SGCD: variants seen among roughly 807,000 people sequenced by gnomAD.
The protein encoded by SGCD is sarcoglycan delta.
In SGCD, 18 loss-of-function variants were observed where a neutral mutation model predicts 36.6. The ratio of observed to expected loss-of-function variants is 0.49; its 90% confidence interval spans 0.34 to 0.73. The LOEUF (loss-of-function observed/expected upper bound fraction) is 0.73, where lower values mean the gene tolerates loss of function less well. Among genes scored for constraint, SGCD ranks in the 30% least tolerant of loss-of-function variants. SGCD has a pLI of 0.01. For missense variants in SGCD, 387 were observed against 346.7 expected, an observed-to-expected ratio of 1.12 and a Z score of -0.92; for synonymous variants, 133 against 130.6, an observed-to-expected ratio of 1.02 and a Z score of -0.12.
intron 3 of SGCD, among the ~76,000 whole-genome samples, chr5:156,376,034 C>T (rs1770650792): frequency 6.6e-6 from 1 of 152,182 alleles, no homozygotes; most frequent in Non-Finnish European, 1.5e-5. Flanking sequence ...TCAGTGACTT[C>T]ATATCAGTGC....
intron 7 of SGCD, among the ~76,000 whole-genome samples, chr5:156,682,877 T>A (rs1171352824): frequency 6.6e-6 from 1 of 152,190 alleles, no homozygotes; most frequent in Non-Finnish European, 1.5e-5. Context: ...ATGCACACAG[T>A]AGAATAATGG....
At chr5:156,253,094 G>T (rs1022968628) in intron 3 of SGCD, among the ~76,000 whole-genome samples, 1 of 152,194 alleles carries the variant, frequency 6.6e-6, no homozygotes, top group South Asian at 2.1e-4. Context: ...GGGAGTGGGG[G>T]TGTTTATTAA....
intron 7 of SGCD, among the ~76,000 whole-genome samples, chr5:156,707,643 A>T (rs1422595279): frequency 6.6e-6 from 1 of 152,194 alleles, no homozygotes; most frequent in East Asian, 1.9e-4. Context: ...TTTTAGGGGT[A>T]ATTTTGAGAA....
chr5:155,776,763 G>T, the SGCD span, among the ~76,000 whole-genome samples: 2 of 151,802 alleles, frequency 1.3e-5, no homozygotes, highest in East Asian at 3.9e-4. Context: ...CAAAATGTCT[G>T]CTCATCTTAT....
intron 1 of SGCD, among the ~76,000 whole-genome samples, chr5:155,912,100 G>C (rs1483638027): frequency 6.6e-6 from 1 of 152,010 alleles, no homozygotes; most frequent in Non-Finnish European, 1.5e-5. Context: ...CTCCACTTTA[G>C]TGGAACTGAT....
intron 1 of SGCD, among the ~76,000 whole-genome samples, chr5:156,100,412 G>A (rs1446093713): frequency 6.6e-6 from 1 of 152,164 alleles, no homozygotes; most frequent in Non-Finnish European, 1.5e-5. Context: ...GGAATATGTT[G>A]AACTCATCAG....
intron 1 of SGCD, among the ~76,000 whole-genome samples, chr5:155,876,340 A>G (rs1200440056): frequency 6.6e-6 from 1 of 151,858 alleles, no homozygotes; most frequent in African/African-American, 2.4e-5. Context: ...ACATCAATAC[A>G]AGAATATCTG....
At chr5:156,175,392 G>T (rs1027730487) in intron 3 of SGCD, among the ~76,000 whole-genome samples, 1 of 149,660 alleles carries the variant, frequency 6.7e-6, no homozygotes, top group African/African-American at 2.5e-5. Flanking sequence ...CTCTTATTTT[G>T]TGAGCGCACT....
intron 3 of SGCD, among the ~76,000 whole-genome samples, chr5:156,465,994 G>A (rs1331927129): frequency 6.6e-5 from 10 of 152,160 alleles, no homozygotes; most frequent in Non-Finnish European, 5.9e-5. Context: ...AAAAGAAAAA[G>A]CAATATACTT....
At chr5:156,493,296 CTTG>C (rs529656895) in intron 3 of SGCD, among the ~76,000 whole-genome samples, 421 of 152,236 alleles carry the variant, frequency 2.8e-3, no homozygotes, top group Non-Finnish European at 4.8e-3. Context: ...CATACAATAA[CTTG>C]TTGTTAAATA....
At chr5:156,272,031 A>G (rs1467389707) in intron 3 of SGCD, among the ~76,000 whole-genome samples, 3 of 152,148 alleles carry the variant, frequency 2.0e-5, no homozygotes, top group African/African-American at 7.2e-5. Flanking sequence ...TTTTATTTCA[A>G]TAGTTTTGGG....
chr5:156,099,146 C>G (rs1761456616), intron 1 of SGCD, among the ~76,000 whole-genome samples: 1 of 152,212 alleles, frequency 6.6e-6, no homozygotes, highest in South Asian at 2.1e-4. Context: ...TGCTGTTCCT[C>G]CCAACCTGGG....
At chr5:156,183,919 C>T (rs955264983) in intron 3 of SGCD, among the ~76,000 whole-genome samples, 1 of 152,148 alleles carries the variant, frequency 6.6e-6, no homozygotes, top group Non-Finnish European at 1.5e-5. Context: ...TAATTGGAAA[C>T]ACAACAGCAA....
intron 3 of SGCD, among the ~76,000 whole-genome samples, chr5:156,201,057 T>C (rs1010801830): frequency 1.3e-5 from 2 of 152,222 alleles, no homozygotes; most frequent in Middle Eastern, 3.4e-3. Context: ...GTCAGAATCA[T>C]AGAAAGTAGA....
At chr5:155,805,330 A>C in the SGCD span, among the ~76,000 whole-genome samples, 3 of 152,312 alleles carry the variant, frequency 2.0e-5, no homozygotes, top group South Asian at 2.1e-4. Context: ...AGTGACTGGC[A>C]GTCTGGAAAA....
chr5:156,003,045 G>T (rs1758693993), intron 1 of SGCD, among the ~76,000 whole-genome samples: 1 of 152,166 alleles, frequency 6.6e-6, no homozygotes, highest in Non-Finnish European at 1.5e-5. Context: ...CTTCACCGGA[G>T]AGCCTCATTA....
chr5:156,179,987 A>T (rs185679096), intron 3 of SGCD, among the ~76,000 whole-genome samples: 7 of 152,286 alleles, frequency 4.6e-5, no homozygotes, highest in Non-Finnish European at 8.8e-5. Flanking sequence ...ATACAAGAGG[A>T]TATATTCTTC....
At chr5:155,741,565 G>C in the SGCD span, among the ~76,000 whole-genome samples, 1 of 152,034 alleles carries the variant, frequency 6.6e-6, no homozygotes, top group Admixed American at 6.5e-5. Context: ...TGTTTTAATG[G>C]TAATGCTGGT....
At chr5:155,961,846 A>G (rs181025124) in intron 1 of SGCD, among the ~76,000 whole-genome samples, 62 of 152,254 alleles carry the variant, frequency 4.1e-4, no homozygotes, top group Non-Finnish European at 7.4e-5. Context: ...GCATGAAAAC[A>G]GAATAGTACT....
Sources: gnomAD v4.1 joint callset for allele counts (sites outside exome capture counted in the v4.1 genomes callset) on GRCh38, gnomAD v4.1.1 for gene constraint, MANE v1.5 for transcripts, NCBI Gene and HGNC (gene_info 2026-07-23, HGNC 2026-07-21) for gene names.